FAM107A: variants seen among roughly 807,000 people sequenced by gnomAD.
FAM107A encodes family with sequence similarity 107 member A.
In FAM107A, 19 loss-of-function variants were observed where a neutral mutation model predicts 13.7. The observed-to-expected ratio is 1.38, with a 90% CI of 0.97 to 2.03. The LOEUF is 2.03. FAM107A is among the 30% of genes most tolerant of loss of function. The pLI, the probability that FAM107A is intolerant of heterozygous loss-of-function variation, is 0.00. For synonymous variants in FAM107A, 82 were observed against 74.5 expected (o/e 1.10, Z -0.52); for missense variants, 203 against 184.4 (o/e 1.10, Z -0.58).
intron 1 of FAM107A, chr3:58,627,015 C>G (rs974190425): frequency 2.6e-6 from 4 of 1,535,898 alleles, no homozygotes; most frequent in Non-Finnish European, 3.5e-6. Flanking sequence ...GGGCACCAGG[C>G]CTGGGTGGGC....
intron 1 of FAM107A, among the ~76,000 whole-genome samples, chr3:58,606,310 G>T (rs2065794517): frequency 6.6e-6 from 1 of 152,150 alleles, no homozygotes; most frequent in African/African-American, 2.4e-5. Context: ...TGGCCAGGCT[G>T]GTCTTGAACT....
chr3:58,608,691 C>T (rs717323), intron 1 of FAM107A, among the ~76,000 whole-genome samples: 6 of 152,134 alleles, frequency 3.9e-5, no homozygotes, highest in African/African-American at 1.2e-4. Context: ...CCCCAGACCC[C>T]CTTGGAGGTG....
At chr3:58,612,814 TAA>T (rs1413878319) in intron 1 of FAM107A, among the ~76,000 whole-genome samples, 3 of 152,026 alleles carry the variant, frequency 2.0e-5, no homozygotes, top group Non-Finnish European at 2.9e-5. Flanking sequence ...TATTGGAAAA[TAA>T]AGAGAAAAAA....
At chr3:58,622,402 C>T (rs111401837) in intron 1 of FAM107A, among the ~76,000 whole-genome samples, 1,594 of 152,292 alleles carry the variant, frequency 0.01, 32 homozygotes, top group African/African-American at 0.037. Context: ...GATTGTGCCA[C>T]TGCACACCAA....
chr3:58,587,109 G>C (rs1030312812), exon 1 of FAM107A: 1 of 1,370,842 alleles, frequency 7.3e-7, no homozygotes, highest in African/African-American at 1.5e-5. Flanking sequence ...ACGCCGCCGG[G>C]GGAAGGAGGG....
chr3:58,612,931 TC>T (rs1355164869), intron 1 of FAM107A, among the ~76,000 whole-genome samples: 3 of 137,240 alleles, frequency 2.2e-5, no homozygotes, highest in African/African-American at 6.5e-5. Context: ...GTGGGTCTCT[TC>T]CTTTCTAGGA....
At chr3:58,575,663 T>C (rs2063724669) in intron 1 of FAM107A, among the ~76,000 whole-genome samples, 1 of 152,222 alleles carries the variant, frequency 6.6e-6, no homozygotes, top group Non-Finnish European at 1.5e-5. Flanking sequence ...TCTCTCTAGA[T>C]AGTCAAGAAA....
intron 1 of FAM107A, among the ~76,000 whole-genome samples, chr3:58,598,354 G>A (rs2065724391): frequency 6.6e-6 from 1 of 152,164 alleles, no homozygotes; most frequent in Admixed American, 6.5e-5. Context: ...GCAGTAATGA[G>A]GGCACTGTTT....
intron 1 of FAM107A, among the ~76,000 whole-genome samples, chr3:58,596,872 G>C (rs2065712045): frequency 6.6e-6 from 1 of 152,096 alleles, no homozygotes; most frequent in African/African-American, 2.4e-5. Context: ...CTTTCTCCCA[G>C]GGTAAGAGCC....
At chr3:58,610,178 C>T (rs2065839572) in intron 1 of FAM107A, among the ~76,000 whole-genome samples, 1 of 152,198 alleles carries the variant, frequency 6.6e-6, no homozygotes, top group Admixed American at 6.5e-5. Context: ...AGGCATCATG[C>T]TGAGTCATCT....
upstream of FAM107A, among the ~76,000 whole-genome samples, chr3:58,587,463 A>G (rs1298399132): frequency 6.8e-6 from 1 of 147,266 alleles, no homozygotes; most frequent in South Asian, 2.1e-4. Flanking sequence ...TTGTGAGGTT[A>G]ATCAGCTTAG....
rs1043948107 is a variant in FAM107A, at chr3:58,565,406, A to G, written c.*1182T>C. 4.7e-5 allele frequency: 7 copies of G among 147,872 alleles called. No homozygotes were observed. The highest frequency in any genetic ancestry group is 1.0e-4 in the Non-Finnish European group (7 of 66,742). 9.2% of individuals were successfully genotyped at this position (147,872 alleles called of 1,614,324 possible). ...GAAAATCATTGTATATTTGCTTTCC[A>G]TAAGACTAGGAAAAAGTAAAAAAAA... is the stretch of plus-strand genomic sequence containing the variant. On this transcript the variant is annotated 3_prime_UTR_variant, in exon 4 of 4. Transcript: ENST00000360997.
intron 1 of FAM107A, chr3:58,573,728 T>C (rs1467850454): frequency 6.6e-6 from 1 of 152,216 alleles, no homozygotes; most frequent in African/African-American, 2.4e-5. Flanking sequence ...GCTGAAGCCA[T>C]TCAGACTTGC....
At chr3:58,626,479 A>AT (rs1459267102) in intron 1 of FAM107A, among the ~76,000 whole-genome samples, 7 of 152,158 alleles carry the variant, frequency 4.6e-5, no homozygotes, top group Admixed American at 3.9e-4. Context: ...CACTCATTTA[A>AT]TTTTCACAAT....
upstream of FAM107A, chr3:58,587,146 G>C: frequency 7.4e-7 from 1 of 1,345,216 alleles, no homozygotes; most frequent in Admixed American, 3.9e-5. Flanking sequence ...AGGTGTCCGC[G>C]CCCAGGTAGC....
chr3:58,627,248 G>T (rs985539428), intron 1 of FAM107A: 8 of 523,110 alleles, frequency 1.5e-5, no homozygotes, highest in African/African-American at 1.1e-4. Context: ...GCCCTTCTTG[G>T]GTCCCTGCAG....
chr3:58,565,261 T>C lies in FAM107A; in HGVS notation c.*1327A>G, dbSNP rs2063608311. 1 of 151,752 alleles carries C rather than the reference T, an allele frequency of 6.6e-6. No individual in the cohort carries two copies. The highest frequency in any genetic ancestry group is 1.5e-5 in the Non-Finnish European group (1 of 67,970). 9.4% of individuals were successfully genotyped at this position (151,752 alleles called of 1,614,324 possible). ...AGAAAAATGGGTGAATTCACTGGAG[T>C]TGGCCCAGCTAGGGGTTGGGTCTCA... On this transcript the variant is annotated 3_prime_UTR_variant, in exon 4 of 4. Transcript: ENST00000360997.
chr3:58,583,230 G>A (rs570566010), intron 1 of FAM107A, among the ~76,000 whole-genome samples: 48 of 152,370 alleles, frequency 3.2e-4, no homozygotes, highest in Middle Eastern at 3.4e-3. Context: ...AATGTTATGT[G>A]TGGCCGCCCG....
chr3:58,587,316 G>A (rs1559480834), upstream of FAM107A, among the ~76,000 whole-genome samples: 2 of 152,202 alleles, frequency 1.3e-5, no homozygotes, highest in Non-Finnish European at 2.9e-5. Flanking sequence ...ATGGGGTTCT[G>A]AAGCGCCATA....
Sources: allele counts gnomAD v4.1 joint callset (sites outside exome capture counted in the v4.1 genomes callset), GRCh38; gene constraint gnomAD v4.1.1; transcripts MANE v1.5; gene names NCBI Gene and HGNC (gene_info 2026-07-23, HGNC 2026-07-21).